Variants in PSMA1 observed in about 807,000 individuals in gnomAD.
PSMA1 encodes proteasome subunit alpha type-1.
In PSMA1, 3 loss-of-function variants were observed where a neutral mutation model predicts 38.4. That is an observed-to-expected ratio of 0.08 (90% CI 0.04 to 0.20). The LOEUF (loss-of-function observed/expected upper bound fraction) is 0.20, where lower values mean the gene tolerates loss of function less well. Among genes scored for constraint, PSMA1 ranks in the 10% least tolerant of loss-of-function variants. The pLI is 1.00. For synonymous variants in PSMA1, 101 were observed against 107.1 expected (o/e 0.94, Z 0.35); for missense variants, 227 against 325.3 (o/e 0.70, Z 2.32).
Position 14,594,006 on chromosome 11 carries a change from T to C in PSMA1, c.21+16960A>G, listed in dbSNP as rs1852454086. Reference sequence around the variant, plus strand: ...AGTGAGACATAAAGGCAAGTCTGCCTGGGGACTTCTAGGAAAGGTTTACCT... The same window carrying C: ...AGTGAGACATAAAGGCAAGTCTGCCCGGGGACTTCTAGGAAAGGTTTACCT... On this transcript the variant is annotated intron_variant, in intron 2 of 10. Transcript: ENST00000418988. Among the ~76,000 whole-genome samples the C allele has an allele frequency of 1.3e-5, 2 of 152,180 alleles. 1 individual carries two copies. Among genetic ancestry groups the C allele is most frequent in the South Asian group, 4.1e-4 (2 of 4,832 alleles).
At chr11:14,557,357 C>A (rs975032407) in intron 2 of PSMA1, among the ~76,000 whole-genome samples, 12 of 152,124 alleles carry the variant, frequency 7.9e-5, no homozygotes, top group African/African-American at 2.9e-4. Flanking sequence ...CCTGCCTTAG[C>A]CTCCAGAGTA....
intron 2 of PSMA1, among the ~76,000 whole-genome samples, chr11:14,572,404 C>T (rs1171619301): frequency 2.0e-5 from 3 of 152,166 alleles, no homozygotes; most frequent in East Asian, 3.8e-4. Context: ...CAACCTGCTC[C>T]TGAACGACTA....
At chr11:14,633,326 T>A (rs1209948601) in intron 1 of PSMA1, among the ~76,000 whole-genome samples, 1 of 152,218 alleles carries the variant, frequency 6.6e-6, no homozygotes, top group African/African-American at 2.4e-5. Flanking sequence ...GGTGTGGATG[T>A]CCTTTCTGTT....
intron 1 of PSMA1, among the ~76,000 whole-genome samples, chr11:14,619,837 T>A (rs1197625505): frequency 2.6e-5 from 4 of 152,198 alleles, no homozygotes; most frequent in Non-Finnish European, 5.9e-5. Flanking sequence ...CAAATCAGCA[T>A]AACTAAAGGG....
chr11:14,570,962 G>A (rs917120624), intron 2 of PSMA1, among the ~76,000 whole-genome samples: 2 of 152,160 alleles, frequency 1.3e-5, no homozygotes, highest in Non-Finnish European at 2.9e-5. Context: ...GAGAAAGGTC[G>A]GGTTACCCAC....
At chr11:14,518,499 C>T (rs1448295905) in intron 2 of PSMA1, among the ~76,000 whole-genome samples, 1 of 152,174 alleles carries the variant, frequency 6.6e-6, no homozygotes, top group East Asian at 1.9e-4. Context: ...GCAGAATGAA[C>T]ACATCCGTTG....
intron 2 of PSMA1, among the ~76,000 whole-genome samples, chr11:14,549,368 A>G (rs1308412209): frequency 6.6e-6 from 1 of 152,140 alleles, no homozygotes; most frequent in South Asian, 2.1e-4. Flanking sequence ...ATTATATGCA[A>G]TCTGATTTTG....
At chr11:14,619,213 C>T (rs1017036235) in intron 1 of PSMA1, among the ~76,000 whole-genome samples, 5 of 152,052 alleles carry the variant, frequency 3.3e-5, no homozygotes, top group Admixed American at 1.3e-4. Flanking sequence ...CTTTGGGAGG[C>T]GGAGGCAAGC....
intron 2 of PSMA1, among the ~76,000 whole-genome samples, chr11:14,530,901 CA>C (rs10670662): frequency 1.3e-3 from 136 of 107,986 alleles, no homozygotes; most frequent in South Asian, 5.8e-3. Flanking sequence ...GACTCCGTCT[CA>C]AAAAAAAAAA....
intron 2 of PSMA1, among the ~76,000 whole-genome samples, chr11:14,539,729 G>T (rs1057049004): frequency 6.6e-6 from 1 of 152,066 alleles, no homozygotes; most frequent in African/African-American, 2.4e-5. Context: ...GGCGCCTATA[G>T]TCCCAGCTAC....
At chr11:14,633,394 G>C (rs1369333379) in intron 1 of PSMA1, among the ~76,000 whole-genome samples, 3 of 151,962 alleles carry the variant, frequency 2.0e-5, no homozygotes, top group African/African-American at 7.3e-5. Flanking sequence ...GGAGTACCCT[G>C]CCGTGTGAGG....
upstream of PSMA1, among the ~76,000 whole-genome samples, chr11:14,524,973 G>A (rs941175597): frequency 3.3e-5 from 5 of 152,052 alleles, no homozygotes; most frequent in East Asian, 1.9e-4. Flanking sequence ...CAATCTTCTC[G>A]GAAGCCTCCT....
At chr11:14,524,881 C>T (rs1204876771), upstream of PSMA1, among the ~76,000 whole-genome samples, 1 of 152,142 alleles carries the variant, frequency 6.6e-6, no homozygotes, top group Non-Finnish European at 1.5e-5. Flanking sequence ...GCAGCCACTC[C>T]CAGAGCCCCT....
chr11:14,642,222 G>A (rs992184824), intron 1 of PSMA1, among the ~76,000 whole-genome samples: 27 of 152,222 alleles, frequency 1.8e-4, no homozygotes, highest in African/African-American at 5.5e-4. Flanking sequence ...GTTTTGTCAC[G>A]CCCTTCTGTA....
chr11:14,526,110 A>T (rs1323896997), intron 2 of PSMA1, among the ~76,000 whole-genome samples: 1 of 152,006 alleles, frequency 6.6e-6, no homozygotes, highest in Non-Finnish European at 1.5e-5. Context: ...TGTCCAACTG[A>T]TCTCTCAAAC....
At chr11:14,605,773 A>G (rs1852635473) in intron 2 of PSMA1, among the ~76,000 whole-genome samples, 1 of 152,220 alleles carries the variant, frequency 6.6e-6, no homozygotes, top group African/African-American at 2.4e-5. Context: ...TCAGACTTCT[A>G]TTGGATGCAT....
intron 8 of PSMA1, among the ~76,000 whole-genome samples, chr11:14,508,460 T>C (rs1406484939): frequency 6.7e-6 from 1 of 149,772 alleles, no homozygotes; most frequent in Non-Finnish European, 1.5e-5. Context: ...CTAAATTTAC[T>C]TGGATTACTC....
intron 2 of PSMA1, among the ~76,000 whole-genome samples, chr11:14,544,383 A>C (rs1347913283): frequency 6.6e-6 from 1 of 152,150 alleles, no homozygotes; most frequent in Non-Finnish European, 1.5e-5. Context: ...GGAAAGTGGA[A>C]AGGCAGCCCA....
intron 2 of PSMA1, among the ~76,000 whole-genome samples, chr11:14,549,177 C>CTTA (rs2134167854): frequency 6.6e-6 from 1 of 152,080 alleles, no homozygotes; most frequent in African/African-American, 2.4e-5. Flanking sequence ...TTAAATAAAA[C>CTTA]TTATTGCCTG....
Sources: allele counts gnomAD v4.1 joint callset (sites outside exome capture counted in the v4.1 genomes callset), GRCh38; gene constraint gnomAD v4.1.1; transcripts MANE v1.5; gene names NCBI Gene and HGNC (gene_info 2026-07-23, HGNC 2026-07-21).